TASOR2: variants seen among roughly 807,000 people sequenced by gnomAD.
TASOR2 encodes the protein transcription activation suppressor family member 2, also known as protein TASOR 2.
TASOR2 carries 84 observed loss-of-function variants against 199.5 expected under a neutral mutation model. The observed-to-expected ratio is 0.42, with a 90% CI of 0.35 to 0.50. The LOEUF (loss-of-function observed/expected upper bound fraction) is 0.50, where lower values mean the gene tolerates loss of function less well. Among genes scored for constraint, TASOR2 ranks in the 20% least tolerant of loss-of-function variants. The pLI, the probability that TASOR2 is intolerant of heterozygous loss-of-function variation, is 0.02. For missense variants in TASOR2, 2,796 were observed against 2,835.9 expected (o/e 0.99, Z 0.32); for synonymous variants, 1,103 against 1,046.6 (o/e 1.05, Z -1.04).
Position 5,720,288 on chromosome 10 carries a change from AT to A in TASOR2, c.-99-255del. On this transcript the variant is annotated intron_variant, in intron 3 of 20. Coordinates refer to ENST00000328090, the Ensembl canonical transcript of TASOR2. The surrounding 1 kb of genome is among the most constrained non-coding windows in gnomAD (Gnocchi z 5.3). ...AAAGTCAAGTTTGTGTCTGAGAATT[AT>A]ACAACTAACTATACTAAGCCATCTT... 1 of 985,416 alleles carries A rather than the reference AT, an allele frequency of 1.0e-6. No individual in the cohort carries two copies. Among genetic ancestry groups the A allele is most frequent in the Non-Finnish European group, 1.2e-6 (1 of 829,912 alleles). 61.0% of individuals were successfully genotyped at this position (985,416 alleles called of 1,614,324 possible). A position where few individuals can be genotyped will look rare whatever the true frequency, so the allele number is the denominator to read the frequency against.
chr10:5,745,019 A>C (rs1836982702), intron 14 of TASOR2, among the ~76,000 whole-genome samples: 1 of 152,224 alleles, frequency 6.6e-6, no homozygotes, highest in Admixed American at 6.5e-5. Flanking sequence ...GTTTGTGAGC[A>C]TGGTGTTCCC....
At chr10:5,743,162 C>T (rs1183842692) in intron 14 of TASOR2, among the ~76,000 whole-genome samples, 1 of 152,192 alleles carries the variant, frequency 6.6e-6, no homozygotes, top group Non-Finnish European at 1.5e-5. Context: ...AAATTACCTA[C>T]CTTTTAAAGT....
rs1836275729 is a variant in TASOR2, at chr10:5,690,256, A to G, written c.-288+5081A>G. Reference sequence around the variant, plus strand: ...TTTTAAAATTACTGTTTTTATCATAAGAAATGTATCTGGAGTGTACTTTGT... The same window carrying G: ...TTTTAAAATTACTGTTTTTATCATAGGAAATGTATCTGGAGTGTACTTTGT... On this transcript the variant is annotated intron_variant, in intron 1 of 20. Transcript: ENST00000328090. This position sits in a 1 kb window ranked among gnomAD's most constrained non-coding sequence, Gnocchi z 4.8. Among the ~76,000 whole-genome samples the G allele has an allele frequency of 1.3e-5, 2 of 152,174 alleles. No individual in the cohort carries two copies.
intron 15 of TASOR2, among the ~76,000 whole-genome samples, chr10:5,753,426 G>A (rs147268294): frequency 6.6e-6 from 1 of 152,128 alleles, no homozygotes; most frequent in South Asian, 2.1e-4. Context: ...GCAGTGGCGC[G>A]ATCTCGGCTC....
chr10:5,751,523 C>T lies in TASOR2; in HGVS notation c.6606+1496C>T, dbSNP rs1247609010. ...TTTAATACTTAGATTGTCCCAGACCCAGCCAGTGGGAGTCCCTTTAAGTTG... is the reference window on the plus strand; with the variant it reads ...TTTAATACTTAGATTGTCCCAGACCTAGCCAGTGGGAGTCCCTTTAAGTTG... On this transcript the variant is annotated intron_variant, in intron 15 of 20. Coordinates refer to ENST00000328090, the Ensembl canonical transcript of TASOR2. This position sits in a 1 kb window ranked among gnomAD's most constrained non-coding sequence, Gnocchi z 5.3. Among the ~76,000 whole-genome samples, 3 of 152,242 alleles carry T rather than the reference C, an allele frequency of 2.0e-5. No homozygotes were observed. Among genetic ancestry groups the T allele is most frequent in the Non-Finnish European group, 4.4e-5 (3 of 68,044 alleles).
chr10:5,694,590 T>G (rs1274016567), intron 1 of TASOR2, among the ~76,000 whole-genome samples: 2 of 152,238 alleles, frequency 1.3e-5, no homozygotes, highest in Admixed American at 1.3e-4. Flanking sequence ...ATACTTCTTT[T>G]GGAACTTTCT....
At chr10:5,713,202 T>A (rs2131551501) in intron 2 of TASOR2, among the ~76,000 whole-genome samples, 1 of 152,330 alleles carries the variant, frequency 6.6e-6, no homozygotes, top group East Asian at 1.9e-4. Context: ...TGGCCTTTAC[T>A]AGAGTGAATG....
At chr10:5,757,269 G>A (rs1412943758) in intron 16 of TASOR2, among the ~76,000 whole-genome samples, 1 of 152,198 alleles carries the variant, frequency 6.6e-6, no homozygotes, top group East Asian at 1.9e-4. Context: ...CCCTCATGAC[G>A]TGTTATTTCC....
chr10:5,709,762 G>T, intron 1 of TASOR2: 1 of 1,066,122 alleles, frequency 9.4e-7, no homozygotes, highest in Non-Finnish European at 1.2e-6. Flanking sequence ...AAAACAAAAA[G>T]ACTTTAAAAA....
Position 5,739,609 on chromosome 10 carries a change from A to C in TASOR2, c.1448-9A>C, listed in dbSNP as rs747663711. ...AACATCTCTCTTTTTTTTTTCTTTTATACTGAAGTCAAAGGAGAAACTGCT... is the reference window on the plus strand; with the variant it reads ...AACATCTCTCTTTTTTTTTTCTTTTCTACTGAAGTCAAAGGAGAAACTGCT... On this transcript the variant is annotated splice_polypyrimidine_tract_variant and intron_variant, in intron 12 of 20. Transcript: ENST00000328090. 5 of 1,595,288 alleles carry C rather than the reference A, an allele frequency of 3.1e-6. No individual in the cohort carries two copies. The highest frequency in any genetic ancestry group is 4.3e-6 in the Non-Finnish European group (5 of 1,172,072).
At chr10:5,727,086 G>C (rs750579763) in exon 10 of TASOR2, 13 of 1,614,076 alleles carry the variant, frequency 8.1e-6, no homozygotes, top group Non-Finnish European at 1.0e-5. Context: ...AGATGGGTCT[G>C]CATGGGTTAC....
At chr10:5,708,879 T>A (rs963865941) in intron 1 of TASOR2, among the ~76,000 whole-genome samples, 1 of 151,914 alleles carries the variant, frequency 6.6e-6, no homozygotes, top group Non-Finnish European at 1.5e-5. Flanking sequence ...TTTTTGTATT[T>A]TTTATAGAGG....
chr10:5,723,678 C>A, exon 7 of TASOR2: 1 of 1,566,942 alleles, frequency 6.4e-7, no homozygotes, highest in Non-Finnish European at 8.7e-7. Context: ...GTTTTTCAGA[C>A]CGCAGGAACT....
intron 1 of TASOR2, among the ~76,000 whole-genome samples, chr10:5,697,680 A>G (rs1837325812): frequency 6.6e-6 from 1 of 152,190 alleles, no homozygotes. Flanking sequence ...ATAAGGAACA[A>G]GGCACCATAT....
exon 15 of TASOR2, chr10:5,746,585 C>A: frequency 6.2e-7 from 1 of 1,614,040 alleles, no homozygotes; most frequent in Non-Finnish European, 8.5e-7. Context: ...ATTACTCTCA[C>A]CTTTGAAAAA....
intron 6 of TASOR2, among the ~76,000 whole-genome samples, chr10:5,721,514 A>G (rs1213581553): frequency 6.6e-6 from 1 of 152,170 alleles, no homozygotes; most frequent in Non-Finnish European, 1.5e-5. Context: ...ATAAGGTGAA[A>G]ACTGATGTGT....
intron 2 of TASOR2, among the ~76,000 whole-genome samples, chr10:5,713,438 A>T (rs115687453): frequency 1.3e-5 from 2 of 152,164 alleles, no homozygotes; most frequent in Admixed American, 1.3e-4. Context: ...TAGGTCTCCA[A>T]AGATATGTAT....
Position 5,685,226 on chromosome 10 carries a change from G to C in TASOR2, c.-288+51G>C. 2.5e-6 allele frequency: 1 copy of C among 397,568 alleles called. No homozygotes were observed. The highest frequency in any genetic ancestry group is 4.4e-6 in the Non-Finnish European group (1 of 225,360). The allele number at this position is 397,568 out of a possible 1,614,324, so 24.6% of individuals were successfully genotyped here. ...CCGGGAACCCTGCGAGGAGGACGGC[G>C]GGTCCCCGAGGCCGAGCGCTCGGGC... On this transcript the variant is annotated intron_variant, in intron 1 of 20. Transcript: ENST00000328090. The surrounding 1 kb of genome is among the most constrained non-coding windows in gnomAD (Gnocchi z 5.4).
rs1564259712 is a variant in TASOR2 at position 5,701,250 on chromosome 10, A to G, written c.-287-11573A>G. Among the ~76,000 whole-genome samples, 1 of 151,954 alleles carries G rather than the reference A, an allele frequency of 6.6e-6. No individual in the cohort carries two copies. Among genetic ancestry groups the G allele is most frequent in the Non-Finnish European group, 1.5e-5 (1 of 67,968 alleles). ...TTATCAAAGAGACTGTCCTTTTCCC[A>G]TTGTATGTTTTAGCTCCTTTGTCGA... On this transcript the variant is annotated intron_variant, in intron 1 of 20. Coordinates refer to ENST00000328090, the Ensembl canonical transcript of TASOR2. The surrounding 1 kb of genome is among the most constrained non-coding windows in gnomAD (Gnocchi z 4.9).
Sources: gnomAD v4.1 joint callset for allele counts (sites outside exome capture counted in the v4.1 genomes callset) on GRCh38, gnomAD v4.1.1 for gene constraint, Gnocchi (gnomAD v3.1) non-coding constraint, MANE v1.5 for transcripts, NCBI Gene and HGNC (gene_info 2026-07-23, HGNC 2026-07-21) for gene names.